RWDD4: variants seen among roughly 807,000 people sequenced by gnomAD.
The protein encoded by RWDD4 is RWD domain containing 4.
RWDD4 carries 16 observed loss-of-function variants against 30.0 expected under a neutral mutation model. That is an observed-to-expected ratio of 0.53 (90% CI 0.36 to 0.81). The LOEUF is 0.81. Ranked by LOEUF, RWDD4 falls within the 30% of genes least tolerant of loss-of-function variation. RWDD4 has a pLI of 0.00. For missense variants in RWDD4, 170 were observed against 223.9 expected (o/e 0.76, Z 1.54); for synonymous variants, 45 against 72.1 (o/e 0.62, Z 1.90).
chr4:183,656,535 C>T (rs919845037), intron 1 of RWDD4, among the ~76,000 whole-genome samples: 1 of 152,172 alleles, frequency 6.6e-6, no homozygotes, highest in Non-Finnish European at 1.5e-5. Context: ...GTAATCCTTG[C>T]TTGGACATAG....
intron 2 of RWDD4, among the ~76,000 whole-genome samples, chr4:183,655,359 G>A (rs997262497): frequency 4.0e-5 from 6 of 151,324 alleles, no homozygotes; most frequent in African/African-American, 1.5e-4. Context: ...TCGGCTCACT[G>A]CAAGCTCTGC....
chr4:183,657,392 TA>T, intron 1 of RWDD4, among the ~76,000 whole-genome samples: 1 of 152,320 alleles, frequency 6.6e-6, no homozygotes, highest in South Asian at 2.1e-4. Context: ...CTTGGACAGG[TA>T]CAAAAATAGG....
intron 7 of RWDD4, among the ~76,000 whole-genome samples, chr4:183,646,073 T>C (rs948478499): frequency 1.5e-4 from 23 of 152,108 alleles, no homozygotes; most frequent in African/African-American, 5.6e-4. Context: ...CCAGCTCATT[T>C]TTGTATTTTT....
intron 2 of RWDD4, among the ~76,000 whole-genome samples, chr4:183,652,759 G>A (rs571218396): frequency 3.8e-4 from 57 of 149,530 alleles, no homozygotes; most frequent in South Asian, 8.4e-4. Context: ...GCAGTGAGCC[G>A]AGATAGTGCC....
intron 7 of RWDD4, 126 bp from the exon 8 acceptor site, chr4:183,641,594 A>C: frequency 1.4e-6 from 1 of 715,652 alleles, no homozygotes; most frequent in Non-Finnish European, 2.5e-6. Flanking sequence ...AGTTTTTACC[A>C]CATGTAGCTA....
intron 2 of RWDD4, among the ~76,000 whole-genome samples, chr4:183,652,758 C>T (rs190878936): frequency 1.4e-4 from 21 of 148,186 alleles, no homozygotes; most frequent in Admixed American, 1.1e-3. Context: ...TGCAGTGAGC[C>T]GAGATAGTGC....
chr4:183,649,958 G>T (rs116160154), intron 4 of RWDD4, among the ~76,000 whole-genome samples: 3,578 of 152,062 alleles, frequency 0.024, 64 homozygotes, highest in Middle Eastern at 0.061. Context: ...ATTTAAACAC[G>T]TCTTTAGAAA....
At chr4:183,646,687 C>A (rs762378381) in intron 5 of RWDD4, 150 bp from the exon 6 acceptor site, 1 of 636,478 alleles carries the variant, frequency 1.6e-6, no homozygotes, top group Non-Finnish European at 2.6e-6. Context: ...CATTATGAAT[C>A]GATACTGTTC....
At chr4:183,656,518 G>GT (rs1240627039) in intron 1 of RWDD4, among the ~76,000 whole-genome samples, 1 of 152,216 alleles carries the variant, frequency 6.6e-6, no homozygotes, top group Non-Finnish European at 1.5e-5. Flanking sequence ...CAGAGAAAAT[G>GT]TAACTAGTAA....
At position 183,643,415 on chromosome 4, in the gene RWDD4, C is replaced by CAAAAAAAAAAAAAAAAAAAAAAAAAA. The variant is rs56730708; in HGVS notation, c.535-1973_535-1948dup. On this transcript the variant is annotated intron_variant, in intron 7 of 7. Coordinates refer to ENST00000326397, the MANE Select transcript of RWDD4 (RefSeq NM_152682.4). Reference sequence around the variant, plus strand: ...TGAGTGACAGAGCAAGACTCTATCTCAAAAAAAAAAAAAAAAAAAAAAAAA... The same window carrying CAAAAAAAAAAAAAAAAAAAAAAAAAA: ...TGAGTGACAGAGCAAGACTCTATCTCAAAAAAAAAAAAAAAAAAAAAAAAAAAAAAAAAAAAAAAAAAAAAAAAAAA... Among the ~76,000 whole-genome samples the CAAAAAAAAAAAAAAAAAAAAAAAAAA allele has an allele frequency of 3.5e-4, 8 of 22,662 alleles. 2 individuals carry two copies. Among genetic ancestry groups the CAAAAAAAAAAAAAAAAAAAAAAAAAA allele is most frequent in the Non-Finnish European group, 6.1e-4 (8 of 13,052 alleles). The allele number at this position is 22,662 out of a possible 152,430, so 14.9% of individuals were successfully genotyped here.
chr4:183,653,981 C>T (rs953332122), intron 2 of RWDD4, among the ~76,000 whole-genome samples: 3 of 152,110 alleles, frequency 2.0e-5, no homozygotes, highest in African/African-American at 4.8e-5. Flanking sequence ...AAAGTCAGAG[C>T]AGAGACAGGA....
intron 2 of RWDD4, 105 bp from the exon 3 acceptor site, chr4:183,651,432 T>G: frequency 1.2e-6 from 1 of 852,892 alleles, no homozygotes; most frequent in South Asian, 1.6e-5. Flanking sequence ...CATGCTCAGA[T>G]CAGAAATGTA....
At chr4:183,644,569 A>G (rs556422112) in intron 7 of RWDD4, among the ~76,000 whole-genome samples, 1 of 152,342 alleles carries the variant, frequency 6.6e-6, no homozygotes, top group East Asian at 1.9e-4. Flanking sequence ...GCTTGAGGCC[A>G]GGAGTTTGAG....
At chr4:183,641,809 C>T (rs1414510896) in intron 7 of RWDD4, among the ~76,000 whole-genome samples, 1 of 152,076 alleles carries the variant, frequency 6.6e-6, no homozygotes, top group African/African-American at 2.4e-5. Context: ...TCTTGTTTTC[C>T]ATCACATATT....
intron 2 of RWDD4, among the ~76,000 whole-genome samples, chr4:183,652,216 C>T (rs1734090772): frequency 6.6e-6 from 1 of 152,184 alleles, no homozygotes; most frequent in African/African-American, 2.4e-5. Context: ...ATATTAAAAA[C>T]TACCCAATCA....
chr4:183,642,325 G>A (rs1460633531), intron 7 of RWDD4, among the ~76,000 whole-genome samples: 1 of 127,906 alleles, frequency 7.8e-6, no homozygotes, highest in Non-Finnish European at 1.6e-5. Context: ...AAGTAGCTGG[G>A]ACTACAGGCG....
At chr4:183,646,925 T>C (rs1447537223) in intron 5 of RWDD4, among the ~76,000 whole-genome samples, 1 of 152,168 alleles carries the variant, frequency 6.6e-6, no homozygotes, top group Non-Finnish European at 1.5e-5. Context: ...GTTTAATAAA[T>C]TAGCATTTCG....
At position 183,659,110 on chromosome 4, in the gene RWDD4, G is replaced by A. The variant is rs1005666969; in HGVS notation, c.-158C>T. The A allele has an allele frequency of 3.5e-5, 18 of 512,266 alleles. No homozygotes were observed. The Admixed American group carries it at 5.3e-4, about 15-fold the overall frequency. 31.7% of individuals were successfully genotyped at this position (512,266 alleles called of 1,614,324 possible). On this transcript the variant is annotated 5_prime_UTR_variant, in exon 1 of 8. Transcript: ENST00000326397. ...CAGACGCCAACTGCGCGCGCCCCGA[G>A]CCTCGGCAGCGCCCAGCCGCCGGCA...
At chr4:183,643,103 T>A (rs377294823) in intron 7 of RWDD4, among the ~76,000 whole-genome samples, 25 of 84,898 alleles carry the variant, frequency 2.9e-4, no homozygotes, top group South Asian at 1.1e-3. Flanking sequence ...AATAAATAAA[T>A]AAAATAAAAA....
Sources: allele counts gnomAD v4.1 joint callset (sites outside exome capture counted in the v4.1 genomes callset), GRCh38; gene constraint gnomAD v4.1.1; transcripts MANE v1.5; gene names NCBI Gene and HGNC (gene_info 2026-07-23, HGNC 2026-07-21).